The following MYLK3 variants were observed in gnomAD, a reference collection of about 807,000 sequenced individuals.
The protein encoded by MYLK3 is myosin light chain kinase 3.
A neutral mutation model predicts 76.3 loss-of-function variants in MYLK3; 55 were observed. The ratio of observed to expected loss-of-function variants is 0.72; its 90% CI spans 0.58 to 0.90. MYLK3 has a LOEUF of 0.90. Among genes scored for constraint, MYLK3 ranks in the 40% least tolerant of loss-of-function variants. The probability of loss-of-function intolerance (pLI) is 0.00; values close to 1 mark genes in which losing one functional copy is unlikely to be tolerated. For missense variants in MYLK3, 973 were observed against 1,053.6 expected, an observed-to-expected ratio of 0.92 and a Z score of 1.06; for synonymous variants, 416 against 425.4, an observed-to-expected ratio of 0.98 and a Z score of 0.27.
At chr16:46,741,429 CTTAG>C (rs893335485) in intron 1 of MYLK3, among the ~76,000 whole-genome samples, 2 of 152,250 alleles carry the variant, frequency 1.3e-5, no homozygotes, top group Non-Finnish European at 1.5e-5. Context: ...CATCAGTATG[CTTAG>C]TTAGTCCACA....
chr16:46,707,834 A>G, intron 12 of MYLK3, 71 bp from the exon 13 acceptor site: 2 of 1,189,422 alleles, frequency 1.7e-6, no homozygotes, highest in South Asian at 1.3e-5. Flanking sequence ...TGAAGAAACA[A>G]TAAAAGGATT....
upstream of MYLK3, among the ~76,000 whole-genome samples, chr16:46,753,344 G>A (rs2143017916): frequency 6.6e-6 from 1 of 152,332 alleles, no homozygotes; most frequent in African/African-American, 2.4e-5. Flanking sequence ...TGCTTCTGGA[G>A]AAATGTAATG....
rs1423636578 is a variant in MYLK3 at position 46,704,836 on chromosome 16, G to A, written c.*2868C>T. ...CGAAAACAGGGTATGAACCACAATAGAACTATAAAATATACTCTCTAGCTC... is the reference window on the plus strand; with the variant it reads ...CGAAAACAGGGTATGAACCACAATAAAACTATAAAATATACTCTCTAGCTC... On this transcript the variant is annotated 3_prime_UTR_variant, in exon 13 of 13. Transcript: ENST00000394809. 6.6e-6 allele frequency: 1 copy of A among 152,124 alleles called. No homozygotes were observed. The highest frequency in any genetic ancestry group is 1.5e-5 in the Non-Finnish European group (1 of 68,024). The allele number at this position is 152,124 out of a possible 1,614,324, so 9.4% of individuals were successfully genotyped here.
intron 1 of MYLK3, among the ~76,000 whole-genome samples, chr16:46,742,447 AACACACACACACACACACAC>A (rs57671045): frequency 7.6e-6 from 1 of 131,094 alleles, no homozygotes. Flanking sequence ...TCCCAGCAAA[AACACACACACACACACACAC>A]ACACACACAC....
rs983749621 is a variant in MYLK3 at position 46,703,834 on chromosome 16, T to C, written c.*3870A>G. On this transcript the variant is annotated 3_prime_UTR_variant, in exon 13 of 13. Transcript: ENST00000394809. ...TACAGGATTCTCTCTAGATCTGCCC[T>C]GTCCAATATAGATGCCACTAACCAC... is the stretch of plus-strand genomic sequence containing the variant. 6.5e-6 allele frequency: 1 copy of C among 153,782 alleles called. No homozygotes were observed. Among genetic ancestry groups the C allele is most frequent in the African/African-American group, 2.4e-5 (1 of 41,464 alleles). The allele number at this position is 153,782 out of a possible 1,614,324, so 9.5% of individuals were successfully genotyped here.
chr16:46,718,570 C>T (rs991901507), intron 9 of MYLK3, among the ~76,000 whole-genome samples: 4 of 152,186 alleles, frequency 2.6e-5, no homozygotes, highest in African/African-American at 7.2e-5. Flanking sequence ...AGCTCAGGCG[C>T]GCGGCTCTGC....
Position 46,758,820 on chromosome 16 carries a change from G to A in MYLK3, c.-114+4220C>T, listed in dbSNP as rs112723987. Among the ~76,000 whole-genome samples the A allele has an allele frequency of 2.2e-3, 329 of 152,264 alleles. 1 individual carries two copies. Among genetic ancestry groups the A allele is most frequent in the African/African-American group, 7.4e-3 (308 of 41,554 alleles). The stretch of plus-strand genomic sequence containing the variant: ...GCTCTGTGGGTTGAGAGGTGTGTGC[G>A]GGGTGCGGGGTGAGACTGGATATAG... On this transcript the variant is annotated intron_variant, in intron 1 of 11. Transcript: ENST00000536476.
At chr16:46,757,331 C>T in intron 1 of MYLK3, 4 of 973,380 alleles carry the variant, frequency 4.1e-6, no homozygotes, top group Non-Finnish European at 4.9e-6. Context: ...GACCGGGGAA[C>T]AACTGTCACC....
intron 1 of MYLK3, among the ~76,000 whole-genome samples, chr16:46,746,398 G>C (rs554733356): frequency 3.9e-5 from 6 of 152,114 alleles, no homozygotes; most frequent in African/African-American, 1.2e-4. Context: ...CAAATATGGA[G>C]GGCTGACTAT....
rs1966608816 is a variant in MYLK3 at position 46,704,749 on chromosome 16, A to G, written c.*2955T>C. The G allele has an allele frequency of 6.6e-6, 1 of 152,202 alleles. No homozygotes were observed. Among genetic ancestry groups the G allele is most frequent in the Non-Finnish European group, 1.5e-5 (1 of 68,040 alleles). The allele number at this position is 152,202 out of a possible 1,614,324, so 9.4% of individuals were successfully genotyped here. ...TTTTTGTTGGGCAGTGCTGCTCTAG[A>G]TATGGTAATTAACTGTCTTTTTCTG... On this transcript the variant is annotated 3_prime_UTR_variant, in exon 13 of 13. Transcript: ENST00000394809.
chr16:46,711,102 C>T lies in MYLK3; in HGVS notation c.2115-313G>A, dbSNP rs1320067839. On this transcript the variant is annotated intron_variant, in intron 10 of 12. Transcript: ENST00000394809. The stretch of plus-strand genomic sequence containing the variant: ...ACTTGGTATGCCCAGTTATCAAGTA[C>T]ACATTGATTTAATTTTAGAAATAGA... 3 of 323,582 alleles carry T rather than the reference C, an allele frequency of 9.3e-6. No homozygotes were observed. The East Asian group carries it at 2.1e-4, about 23-fold the overall frequency. The allele number at this position is 323,582 out of a possible 1,614,324, so 20.0% of individuals were successfully genotyped here.
intron 1 of MYLK3, among the ~76,000 whole-genome samples, chr16:46,757,240 A>C (rs939770161): frequency 4.6e-5 from 7 of 152,342 alleles, no homozygotes; most frequent in Admixed American, 3.9e-4. Context: ...CATTTGTTGC[A>C]GAAGGCCCAA....
chr16:46,732,745 C>T (rs544222660), intron 3 of MYLK3, 77 bp from the exon 4 acceptor site: 15 of 1,162,896 alleles, frequency 1.3e-5, no homozygotes, highest in Non-Finnish European at 1.6e-5. Context: ...TTCCAATGCC[C>T]ACTGCTGCCA....
chr16:46,740,528 T>C (rs1190855813), intron 1 of MYLK3, among the ~76,000 whole-genome samples: 1 of 46,038 alleles, frequency 2.2e-5, no homozygotes, highest in Non-Finnish European at 4.5e-5. Flanking sequence ...AATATATATA[T>C]ATACATACAT....
intron 11 of MYLK3, 25 bp downstream of exon 11, chr16:46,710,612 A>G: frequency 1.2e-6 from 2 of 1,613,690 alleles, no homozygotes; most frequent in Middle Eastern, 3.5e-4. Context: ...AGAAGGGCCC[A>G]TGAGTGACAA....
At chr16:46,711,622 C>T (rs1377070022) in intron 10 of MYLK3, 6 of 439,960 alleles carry the variant, frequency 1.4e-5, no homozygotes, top group East Asian at 1.5e-4. Context: ...GCAATCCTCC[C>T]GCCACAGCTT....
rs777526469 is a variant in MYLK3 at position 46,729,659 on chromosome 16, T to C, written c.1597A>G (p.Thr533Ala). The change falls in exon 6 of 13, where the codon ACA (threonine) becomes GCA (alanine). Residue 533 changes from threonine (T) to alanine (A), a missense_variant. Thr to Ala is a moderately conservative substitution (Grantham distance 58). Coordinates refer to ENST00000394809, the MANE Select transcript of MYLK3 (RefSeq NM_182493.3). ...GGRFGQVHRC[T>A]EKSTGLPLAA... ...AGTGGGAGGCCTGTGGACTTCTCTG[T>C]GCACCTGTGGACCTGGCCAAACCGA... 1 of 1,613,606 alleles carries C rather than the reference T, an allele frequency of 6.2e-7. No individual in the cohort carries two copies. Among genetic ancestry groups the C allele is most frequent in the African/African-American group, 1.3e-5 (1 of 74,814 alleles).
chr16:46,715,519 G>A (rs368434126), intron 9 of MYLK3, among the ~76,000 whole-genome samples: 6 of 152,144 alleles, frequency 3.9e-5, no homozygotes, highest in African/African-American at 1.4e-4. Context: ...CAGGGCTCGG[G>A]GAAGGCATCC....
chr16:46,711,395 C>T (rs1196720088), intron 10 of MYLK3, among the ~76,000 whole-genome samples: 3 of 152,164 alleles, frequency 2.0e-5, no homozygotes, highest in Non-Finnish European at 2.9e-5. Flanking sequence ...ACGGGAAGTC[C>T]ACAGCCAGAC....
Sources: gnomAD v4.1 joint callset for allele counts (sites outside exome capture counted in the v4.1 genomes callset) on GRCh38, gnomAD v4.1.1 for gene constraint, MANE v1.5 for transcripts, NCBI Gene and HGNC (gene_info 2026-07-23, HGNC 2026-07-21) for gene names.